Variants in ACSM5 observed in about 807,000 individuals in gnomAD.
ACSM5 encodes the protein acyl-CoA synthetase medium chain family member 5.
A neutral mutation model predicts 71.6 loss-of-function variants in ACSM5; 56 were observed. The ratio of observed to expected loss-of-function variants is 0.78; its 90% CI spans 0.63 to 0.98. ACSM5 has a LOEUF of 0.98. ACSM5 is among the 50% of genes least tolerant of loss of function. The pLI is 0.00. For missense variants in ACSM5, 723 were observed against 726.0 expected (o/e 1.00, Z 0.05); for synonymous variants, 285 against 281.5 (o/e 1.01, Z -0.12).
intron 8 of ACSM5, among the ~76,000 whole-genome samples, chr16:20,430,041 G>A (rs1432284603): frequency 1.3e-5 from 2 of 152,142 alleles, no homozygotes; most frequent in Non-Finnish European, 2.9e-5. Flanking sequence ...TGGAGACTCA[G>A]AAGGAAGAAG....
intron 2 of ACSM5, among the ~76,000 whole-genome samples, chr16:20,412,913 G>T (rs1322751115): frequency 6.6e-6 from 1 of 152,212 alleles, no homozygotes; most frequent in Non-Finnish European, 1.5e-5. Context: ...ACTGTCAGCA[G>T]ATGTAGTGAA....
rs982001658 is a variant in ACSM5 at position 20,440,976 on chromosome 16, A to T, written c.*549A>T. ...TAAAACTAAAAAAAAAAAAGAAAAA[A>T]TTAACAATTAACATCCAAACAACAA... On this transcript the variant is annotated 3_prime_UTR_variant, in exon 14 of 14. Transcript: ENST00000331849. 29 of 152,246 alleles carry T rather than the reference A, an allele frequency of 1.9e-4. No individual in the cohort carries two copies. Among genetic ancestry groups the T allele is most frequent in the African/African-American group, 6.8e-4 (28 of 41,440 alleles). 9.4% of individuals were successfully genotyped at this position (152,246 alleles called of 1,614,324 possible). A position where few individuals can be genotyped will look rare whatever the true frequency, so the allele number is the denominator to read the frequency against.
chr16:20,411,962 C>G, intron 2 of ACSM5: 3 of 440,972 alleles, frequency 6.8e-6, no homozygotes, highest in African/African-American at 2.0e-5. Flanking sequence ...GATTCCCTTC[C>G]AGTTGTTCAT....
At chr16:20,428,329 G>A (rs11860113) in intron 7 of ACSM5, among the ~76,000 whole-genome samples, 13,075 of 152,206 alleles carry the variant, frequency 0.086, 697 homozygotes, top group East Asian at 0.19. Context: ...AGCCCGCACC[G>A]CAGTAGATGC....
At chr16:20,422,350 T>G (rs1254045334) in intron 5 of ACSM5, among the ~76,000 whole-genome samples, 1 of 152,134 alleles carries the variant, frequency 6.6e-6, no homozygotes, top group Admixed American at 6.5e-5. Context: ...GACCTCATGA[T>G]CCTCACGCCT....
At position 20,429,783 on chromosome 16, in the gene ACSM5, C is replaced by A. The variant is rs770687994; in HGVS notation, c.1107C>A (p.Gly369=). The change falls in exon 8 of 14, where the codon GGC becomes GGA. Residue 369 remains glycine, a synonymous_variant. Coordinates refer to ENST00000331849, the MANE Select transcript of ACSM5 (RefSeq NM_017888.3). The part of the protein sequence containing the change: ...KHQTGVELYE[G]YGQSETVVIC... The stretch of plus-strand genomic sequence containing the variant: ...AGACTGGTGTGGAGCTGTACGAAGG[C>A]TATGGCCAGTCTGAAACGGTGAGTG... The A allele has an allele frequency of 1.9e-6, 3 of 1,612,662 alleles. No individual in the cohort carries two copies. The highest frequency in any genetic ancestry group is 4.5e-5 in the East Asian group (2 of 44,836).
At chr16:20,429,991 T>C (rs1967062984) in intron 8 of ACSM5, among the ~76,000 whole-genome samples, 190 bp downstream of exon 8, 1 of 152,028 alleles carries the variant, frequency 6.6e-6, no homozygotes, top group African/African-American at 2.4e-5. Context: ...GGAGCTAAGC[T>C]ATGAGGATGC....
intron 1 of ACSM5, among the ~76,000 whole-genome samples, 151 bp from the exon 2 acceptor site, chr16:20,411,319 C>T (rs528593629): frequency 3.3e-5 from 5 of 152,336 alleles, no homozygotes; most frequent in Admixed American, 1.3e-4. Context: ...CATCACACAG[C>T]AGAACTGAGA....
rs746446211 is a variant in ACSM5, at chr16:20,418,184, C to T, written c.330C>T (p.Cys110=). Residue 110 remains cysteine, a synonymous_variant, in exon 3 of 14, where the codon TGC becomes TGT. Transcript: ENST00000331849. ...CAGCCAATGTGCTGGGGGGTGCATGCGGCCTGCAGCCTGGGGACAGAATGA... is the reference window on the plus strand; with the variant it reads ...CAGCCAATGTGCTGGGGGGTGCATGTGGCCTGCAGCCTGGGGACAGAATGA... ...RKAANVLGGA[C]GLQPGDRMML... 1.4e-5 allele frequency: 23 copies of T among 1,612,952 alleles called. No homozygotes were observed. Among genetic ancestry groups the T allele is most frequent in the African/African-American group, 1.3e-5 (1 of 74,864 alleles).
Position 20,419,402 on chromosome 16 carries a change from G to A in ACSM5, c.590G>A (p.Arg197Gln), listed in dbSNP as rs767839776. Residue 197 changes from arginine (R) to glutamine (Q), a missense_variant, in exon 4 of 14, where the codon CGG becomes CAG. Transcript: ENST00000331849. ...QTKLLVSDSS[R>Q]PGWLNFRELL... ...AAGCTGCTGGTGTCAGACAGCAGTC[G>A]GCCAGGCTGGTTGAACTTCAGGGAA... 2.5e-6 allele frequency: 4 copies of A among 1,614,052 alleles called. No individual in the cohort carries two copies. The highest frequency in any genetic ancestry group is 1.3e-5 in the African/African-American group (1 of 74,918).
rs542526723 is a variant in ACSM5 at position 20,419,674 on chromosome 16, G to A, written c.623+239G>A. 5.6e-5 allele frequency: 31 copies of A among 548,702 alleles called. No individual in the cohort carries two copies. In the South Asian group the frequency reaches 6.1e-4, roughly 11 times the overall value. The allele number at this position is 548,702 out of a possible 1,614,324, so 34.0% of individuals were successfully genotyped here. On this transcript the variant is annotated intron_variant, in intron 4 of 13. Transcript: ENST00000331849. ...GTGCTTCATTTGCTTCTATAATGCG[G>A]TGGTAGTTATTAGAGCTACCATTCA... is the stretch of plus-strand genomic sequence containing the variant.
At chr16:20,411,331 T>C in intron 1 of ACSM5, 139 bp from the exon 2 acceptor site, 1 of 692,452 alleles carries the variant, frequency 1.4e-6, no homozygotes, top group East Asian at 2.7e-5. Flanking sequence ...GAACTGAGAC[T>C]GAAGGTGGAG....
At chr16:20,436,462 C>A (rs1379597779) in intron 10 of ACSM5, among the ~76,000 whole-genome samples, 1 of 152,076 alleles carries the variant, frequency 6.6e-6, no homozygotes, top group African/African-American at 2.4e-5. Flanking sequence ...CCTCTGCCTC[C>A]CAGGTTTAAG....
rs1282881094 is a variant in ACSM5 at position 20,419,388 on chromosome 16, G to C, written c.576G>C (p.Val192=). The change falls in exon 4 of 14, where the codon GTG becomes GTC. Residue 192 remains valine, a synonymous_variant. Transcript: ENST00000331849. ...CCTCCCTCCAGACCAAGCTGCTGGT[G>C]TCAGACAGCAGTCGGCCAGGCTGGT... The part of the protein sequence containing the change: ...ECPSLQTKLL[V]SDSSRPGWLN... 1.9e-6 allele frequency: 3 copies of C among 1,614,086 alleles called. No homozygotes were observed. The African/African-American group carries it at 4.0e-5, about 22-fold the overall frequency.
At chr16:20,420,590 A>G (rs1229952782) in intron 4 of ACSM5, among the ~76,000 whole-genome samples, 6 of 152,174 alleles carry the variant, frequency 3.9e-5, no homozygotes, top group Admixed American at 2.6e-4. Context: ...ACAAAAGCGA[A>G]ACACCATCTC....
chr16:20,417,332 A>G (rs1165318260), intron 2 of ACSM5, among the ~76,000 whole-genome samples: 2 of 152,236 alleles, frequency 1.3e-5, no homozygotes, highest in Non-Finnish European at 2.9e-5. Context: ...ATGGATAAAC[A>G]AAATGTGGTC....
intron 4 of ACSM5, chr16:20,420,999 A>C (rs1966876127): frequency 3.6e-6 from 1 of 277,058 alleles, no homozygotes; most frequent in Admixed American, 5.3e-5. Context: ...GAAAGTCCTC[A>C]TACCTTGGTA....
chr16:20,426,324 C>T (rs952046525), intron 6 of ACSM5, among the ~76,000 whole-genome samples: 23 of 152,188 alleles, frequency 1.5e-4, no homozygotes, highest in South Asian at 2.1e-4. Flanking sequence ...TAAATTATAC[C>T]GAAACTTAGC....
In ACSM5 at chr16:20,431,954, A is replaced by AT. The variant is rs1197146927; in HGVS notation, c.1308+633_1308+634insT. ...AACGAGACTCCGTATCAAAAAAAAA[A>AT]AATAATAATAATAATAAAATAAATA... On this transcript the variant is annotated intron_variant, in intron 10 of 13. Transcript: ENST00000331849. Among the ~76,000 whole-genome samples the AT allele has an allele frequency of 5.5e-3, 790 of 143,822 alleles. 17 individuals are homozygous for AT. The highest frequency in any genetic ancestry group is 0.018 in the African/African-American group (723 of 39,570). The allele number at this position is 143,822 out of a possible 152,430, so 94.4% of individuals were successfully genotyped here.
Sources: gnomAD v4.1 joint callset for allele counts (sites outside exome capture counted in the v4.1 genomes callset) on GRCh38, gnomAD v4.1.1 for gene constraint, MANE v1.5 for transcripts, NCBI Gene and HGNC (gene_info 2026-07-23, HGNC 2026-07-21) for gene names.